The following COL27A1 variants were observed in gnomAD, a reference collection of about 807,000 sequenced individuals.
COL27A1 encodes the protein collagen alpha-1(XXVII) chain.
A neutral mutation model predicts 251.3 loss-of-function variants in COL27A1; 106 were observed. That is an observed-to-expected ratio of 0.42 (90% CI 0.36 to 0.50). The LOEUF (loss-of-function observed/expected upper bound fraction) is 0.50, where lower values mean the gene tolerates loss of function less well. Ranked by LOEUF, COL27A1 falls within the 20% of genes least tolerant of loss-of-function variation. COL27A1 has a pLI of 0.00. For missense variants in COL27A1, 2,325 were observed against 2,522.8 expected, an observed-to-expected ratio of 0.92 and a Z score of 1.68; for synonymous variants, 1,000 against 986.3, an observed-to-expected ratio of 1.01 and a Z score of -0.26.
In COL27A1 at chr9:114,264,339, CT is replaced by C. The variant is rs1229726785; in HGVS notation, c.3196-11del. On this transcript the variant is annotated splice_polypyrimidine_tract_variant and intron_variant, in intron 28 of 60. Coordinates refer to ENST00000356083, the MANE Select transcript of COL27A1 (RefSeq NM_032888.4). ...CCCCTGCTGTCCGGTGTGCTAGTCC[CT>C]TTTTCCTATTCCAGGGCCCCCGAGG... 9 of 1,584,494 alleles carry C rather than the reference CT, an allele frequency of 5.7e-6. No individual in the cohort carries two copies. The highest frequency in any genetic ancestry group is 2.3e-5 in the South Asian group (2 of 86,202).
Position 114,235,986 on chromosome 9 carries a change from C to T in COL27A1, c.2619+334C>T, listed in dbSNP as rs73564678. Among the ~76,000 whole-genome samples, 520 of 152,224 alleles carry T rather than the reference C, an allele frequency of 3.4e-3. 2 individuals are homozygous for T. Among genetic ancestry groups the T allele is most frequent in the African/African-American group, 0.012 (495 of 41,534 alleles). On this transcript the variant is annotated intron_variant, in intron 17 of 60. Transcript: ENST00000356083. ...GCTCTCAGAATGACACCCTGGCTCC[C>T]TAACCAGACATCAGGACCCCAGTGA...
At chr9:114,225,575 A>C (rs566095071) in intron 14 of COL27A1, among the ~76,000 whole-genome samples, 43 of 152,302 alleles carry the variant, frequency 2.8e-4, no homozygotes, top group Non-Finnish European at 5.1e-4. Flanking sequence ...GGGGAAAAAA[A>C]CTGTCTCCCC....
chr9:114,168,618 C>T lies in COL27A1; in HGVS notation c.1063C>T (p.Pro355Ser), dbSNP rs766660251. The change falls in exon 3 of 61, where the codon CCA becomes TCA. Residue 355 changes from proline to serine, a missense_variant. Physicochemically the swap from Pro to Ser is moderately conservative, Grantham distance 74. Coordinates refer to ENST00000356083, the MANE Select transcript of COL27A1 (RefSeq NM_032888.4). Reference sequence around the variant, plus strand: ...AACGCCTCGCCCTGCGGCCGCTCAACCATCACAGAAGATCACAGCCACCAA... The same window carrying T: ...AACGCCTCGCCCTGCGGCCGCTCAATCATCACAGAAGATCACAGCCACCAA... ...TRTPRPAAAQ[P>S]SQKITATKIP... is the part of the protein sequence containing the mutation. 8.1e-6 allele frequency: 13 copies of T among 1,614,084 alleles called. No individual in the cohort carries two copies. Among genetic ancestry groups the T allele is most frequent in the Non-Finnish European group, 1.1e-5 (13 of 1,180,026 alleles).
intron 25 of COL27A1, among the ~76,000 whole-genome samples, chr9:114,251,036 T>A (rs2135524485): frequency 6.6e-6 from 1 of 152,248 alleles, no homozygotes; most frequent in South Asian, 2.1e-4. Context: ...CTGTTTTAGA[T>A]GAGATAACAG....
At chr9:114,157,926 A>G (rs1848226971) in intron 1 of COL27A1, among the ~76,000 whole-genome samples, 1 of 152,206 alleles carries the variant, frequency 6.6e-6, no homozygotes, top group Non-Finnish European at 1.5e-5. Flanking sequence ...CTGGCATGTA[A>G]TAAGTGCTCA....
chr9:114,301,179 C>G, intron 52 of COL27A1, 54 bp downstream of exon 52: 5 of 1,611,570 alleles, frequency 3.1e-6, no homozygotes, highest in Non-Finnish European at 4.2e-6. Context: ...CTTCCTGGCT[C>G]CAGATTGTCT....
intron 2 of COL27A1, among the ~76,000 whole-genome samples, chr9:114,166,949 C>A (rs538749893): frequency 1.5e-4 from 23 of 152,114 alleles, no homozygotes; most frequent in Non-Finnish European, 2.8e-4. Context: ...GAGGAGTCAG[C>A]GGAAATGCCA....
intron 38 of COL27A1, 52 bp from the exon 39 acceptor site, chr9:114,282,405 G>A: frequency 1.2e-6 from 2 of 1,609,218 alleles, no homozygotes; most frequent in Non-Finnish European, 1.7e-6. Context: ...CCCCTCCCTG[G>A]ACCCTCCGTC....
rs1182856843 is a variant in COL27A1, at chr9:114,231,818, G to A, written c.2521-4G>A. On this transcript the variant is annotated splice_region_variant and splice_polypyrimidine_tract_variant and intron_variant, in intron 15 of 60. Transcript: ENST00000356083. ...CACAGCTGGCCTTGGGCTTTGTCTT[G>A]CAGGGACTGATGGGCAGCGTGGGGG... is the stretch of plus-strand genomic sequence containing the variant. The A allele has an allele frequency of 6.2e-7, 1 of 1,614,072 alleles. No homozygotes were observed.
intron 17 of COL27A1, among the ~76,000 whole-genome samples, chr9:114,236,678 G>A (rs772751071): frequency 4.6e-5 from 7 of 152,294 alleles, no homozygotes; most frequent in Non-Finnish European, 1.0e-4. Context: ...ACTGGACCCT[G>A]TCTCCAGAGT....
intron 12 of COL27A1, among the ~76,000 whole-genome samples, chr9:114,217,325 C>T (rs1407743653): frequency 6.6e-6 from 1 of 152,216 alleles, no homozygotes; most frequent in Non-Finnish European, 1.5e-5. Context: ...CTTCATGTGG[C>T]ATCTCAGCTC....
chr9:114,204,772 C>T (rs899611485), intron 7 of COL27A1, among the ~76,000 whole-genome samples: 3 of 152,168 alleles, frequency 2.0e-5, no homozygotes, highest in Non-Finnish European at 4.4e-5. Context: ...CTCGCCTTCT[C>T]TCTTGATTCA....
chr9:114,310,716 C>G lies in COL27A1; in HGVS notation c.*21C>G, dbSNP rs1410365896. The G allele has an allele frequency of 1.2e-6, 2 of 1,613,424 alleles. No homozygotes were observed. Among genetic ancestry groups the G allele is most frequent in the Non-Finnish European group, 1.7e-6 (2 of 1,179,594 alleles). The stretch of plus-strand genomic sequence containing the variant: ...TCTGACCTCTGACCTCGTGGCCACT[C>G]TAGGCCTCACGGAGGAGGGAAGAGG... On this transcript the variant is annotated 3_prime_UTR_variant, in exon 61 of 61. Transcript: ENST00000356083.
chr9:114,288,161 G>A (rs973863639), intron 41 of COL27A1, among the ~76,000 whole-genome samples: 3 of 152,142 alleles, frequency 2.0e-5, no homozygotes, highest in African/African-American at 7.2e-5. Context: ...CACACGGCTG[G>A]TCCTTTGCAA....
chr9:114,241,197 C>T (rs554172409), intron 21 of COL27A1, among the ~76,000 whole-genome samples: 37 of 152,380 alleles, frequency 2.4e-4, no homozygotes, highest in Middle Eastern at 3.4e-3. Context: ...GCCCTGTGCA[C>T]GAGGCCATTC....
intron 28 of COL27A1, among the ~76,000 whole-genome samples, chr9:114,261,484 C>A (rs1218648283): frequency 6.6e-6 from 1 of 152,214 alleles, no homozygotes; most frequent in Non-Finnish European, 1.5e-5. Context: ...GCTGTTCTCG[C>A]CCCTCTCCCT....
In COL27A1 at chr9:114,251,384, G is replaced by C. The variant is rs536869218; in HGVS notation, c.3033+716G>C. On this transcript the variant is annotated intron_variant, in intron 25 of 60. Transcript: ENST00000356083. ...TGTGCCACACTCTATCACTCTATGT[G>C]GCCCAGACCCTCGGGCCTCTGCCTT... is the stretch of plus-strand genomic sequence containing the variant. 9.7e-4 allele frequency among the ~76,000 whole-genome samples: 148 copies of C among 151,990 alleles called. 1 individual carries two copies. The highest frequency in any genetic ancestry group is 3.4e-3 in the Middle Eastern group (1 of 294).
At chr9:114,189,957 T>A (rs1398228041) in intron 5 of COL27A1, among the ~76,000 whole-genome samples, 1 of 152,220 alleles carries the variant, frequency 6.6e-6, no homozygotes, top group Non-Finnish European at 1.5e-5. Context: ...GAACATATTG[T>A]TGTCTCATTT....
In COL27A1 at chr9:114,251,299, G is replaced by C. The variant is rs374027444; in HGVS notation, c.3033+631G>C. On this transcript the variant is annotated intron_variant, in intron 25 of 60. Coordinates refer to ENST00000356083, the MANE Select transcript of COL27A1 (RefSeq NM_032888.4). The stretch of plus-strand genomic sequence containing the variant: ...CCATTGAATAGATGGAGGAACTGAG[G>C]TCCAGAGGGAGGAAGTATCCCCCGC... Among the ~76,000 whole-genome samples, 28 of 152,070 alleles carry C rather than the reference G, an allele frequency of 1.8e-4. No individual in the cohort carries two copies. The East Asian group carries it at 3.1e-3, about 17-fold the overall frequency.
Sources: gnomAD v4.1 joint callset for allele counts (sites outside exome capture counted in the v4.1 genomes callset) on GRCh38, gnomAD v4.1.1 for gene constraint, MANE v1.5 for transcripts, NCBI Gene and HGNC (gene_info 2026-07-23, HGNC 2026-07-21) for gene names.